Variants in CCSER2 observed in about 807,000 individuals in gnomAD.
CCSER2 encodes the protein coiled-coil serine rich protein 2, also known as serine-rich coiled-coil domain-containing protein 2.
A neutral mutation model predicts 92.3 loss-of-function variants in CCSER2; 46 were observed. The observed-to-expected ratio is 0.50, with a 90% CI of 0.39 to 0.64. The LOEUF is 0.64. Among genes scored for constraint, CCSER2 ranks in the 30% least tolerant of loss-of-function variants. The pLI is 0.00. For missense variants in CCSER2, 1,244 were observed against 1,238.9 expected (o/e 1.00, Z -0.06); for synonymous variants, 433 against 431.4 (o/e 1.00, Z -0.04).
At chr10:84,449,693 AAAAATAC>A (rs1564675971) in intron 6 of CCSER2, among the ~76,000 whole-genome samples, 1 of 152,154 alleles carries the variant, frequency 6.6e-6, no homozygotes, top group Non-Finnish European at 1.5e-5. Context: ...CGTCTCTAGT[AAAAATAC>A]AAAATTAGCT....
At chr10:84,426,123 A>G (rs958425133) in intron 5 of CCSER2, among the ~76,000 whole-genome samples, 2 of 152,168 alleles carry the variant, frequency 1.3e-5, no homozygotes, top group Non-Finnish European at 2.9e-5. Flanking sequence ...CTCTATTTAT[A>G]TCTGCTTTTT....
chr10:84,400,543 T>C (rs558282908), intron 3 of CCSER2, among the ~76,000 whole-genome samples: 14 of 152,304 alleles, frequency 9.2e-5, no homozygotes, highest in African/African-American at 3.4e-4. Context: ...TTTATGTTTT[T>C]GTATATGGTG....
rs148898211 is a variant in CCSER2 at position 84,389,844 on chromosome 10, C to T, written c.1614+16029C>T. 1.4e-3 allele frequency among the ~76,000 whole-genome samples: 218 copies of T among 152,304 alleles called. 2 individuals are homozygous for T. In the East Asian group the frequency reaches 0.04, roughly 28 times the overall value. ...AAACAGACTCCTGTGTGTTTTTCTT[C>T]TCTCATAATTCTTTGAGCACTCCCT... On this transcript the variant is annotated intron_variant, in intron 3 of 9. Coordinates refer to ENST00000372088, the MANE Select transcript of CCSER2 (RefSeq NM_001284240.2).
At chr10:84,498,638 C>T (rs1184460138) in intron 9 of CCSER2, among the ~76,000 whole-genome samples, 4 of 152,154 alleles carry the variant, frequency 2.6e-5, no homozygotes, top group Admixed American at 6.5e-5. Flanking sequence ...AAACTATTAT[C>T]GTAATTTTTA....
chr10:84,391,393 T>A, intron 3 of CCSER2: 1 of 1,477,690 alleles, frequency 6.8e-7, no homozygotes, highest in South Asian at 1.1e-5. Context: ...CACTAATGCA[T>A]CAGTGGATGC....
chr10:84,441,243 T>G (rs58972290), intron 6 of CCSER2, among the ~76,000 whole-genome samples: 31,870 of 152,100 alleles, frequency 0.21, 3,593 homozygotes, highest in Admixed American at 0.34. Context: ...TGGGTTTGGT[T>G]ATGTTTCCTG....
At chr10:84,468,528 T>A (rs142373513) in intron 7 of CCSER2, among the ~76,000 whole-genome samples, 171 of 152,362 alleles carry the variant, frequency 1.1e-3, no homozygotes, top group East Asian at 4.6e-3. Context: ...CTTAGAGCAG[T>A]GCCTGCCATA....
At chr10:84,494,977 CT>C (rs770775993) in intron 9 of CCSER2, among the ~76,000 whole-genome samples, 2,322 of 122,548 alleles carry the variant, frequency 0.019, 46 homozygotes, top group African/African-American at 0.052. Flanking sequence ...CTGATGTCTG[CT>C]TTTTTTTTTT....
intron 3 of CCSER2, among the ~76,000 whole-genome samples, chr10:84,376,246 G>A (rs60598168): frequency 0.21 from 31,885 of 152,012 alleles, 3,605 homozygotes; most frequent in Admixed American, 0.34. Context: ...GCAGAGGTCT[G>A]ATTTACGTAC....
intron 8 of CCSER2, among the ~76,000 whole-genome samples, chr10:84,476,048 C>G (rs1282511104): frequency 6.6e-6 from 1 of 152,090 alleles, no homozygotes; most frequent in Non-Finnish European, 1.5e-5. Context: ...GTTGCCCAGG[C>G]TGGTCTGGAA....
rs998905459 is a variant in CCSER2 at position 84,516,894 on chromosome 10, A to G, written c.*2627A>G. 2 of 152,220 alleles carry G rather than the reference A, an allele frequency of 1.3e-5. No individual in the cohort carries two copies. Among genetic ancestry groups the G allele is most frequent in the Non-Finnish European group, 2.9e-5 (2 of 68,028 alleles). 9.4% of individuals were successfully genotyped at this position (152,220 alleles called of 1,614,324 possible). A position where few individuals can be genotyped will look rare whatever the true frequency, so the allele number is the denominator to read the frequency against. On this transcript the variant is annotated 3_prime_UTR_variant, in exon 10 of 10. Coordinates refer to ENST00000372088, the MANE Select transcript of CCSER2 (RefSeq NM_001284240.2). ...AAGAAAACAAATCTAGGATGCTTGC[A>G]TGACATAAAGTATTTGCCTGCAGTT...
intron 8 of CCSER2, among the ~76,000 whole-genome samples, chr10:84,471,994 A>T (rs1846833429): frequency 6.6e-6 from 1 of 152,074 alleles, no homozygotes; most frequent in Admixed American, 6.6e-5. Flanking sequence ...ATAAATTATA[A>T]TGTTTATGAA....
rs558168935 is a variant in CCSER2, at chr10:84,339,459, C to CT, written c.-40+10664dup. ...CTCTCTGCTTTTGCACATACTATTA[C>CT]TTTTTTTTTTTTTAAATTTATTTTT... On this transcript the variant is annotated intron_variant, in intron 1 of 9. Coordinates refer to ENST00000372088, the MANE Select transcript of CCSER2 (RefSeq NM_001284240.2). 6.0e-3 allele frequency among the ~76,000 whole-genome samples: 784 copies of CT among 130,416 alleles called. 8 individuals carry two copies. Among genetic ancestry groups the CT allele is most frequent in the African/African-American group, 0.02 (597 of 29,154 alleles). The allele number at this position is 130,416 out of a possible 152,430, so 85.6% of individuals were successfully genotyped here. A position where few individuals can be genotyped will look rare whatever the true frequency, so the allele number is the denominator to read the frequency against.
intron 3 of CCSER2, among the ~76,000 whole-genome samples, chr10:84,378,933 T>A (rs1846494074): frequency 6.6e-6 from 1 of 152,156 alleles, no homozygotes; most frequent in Non-Finnish European, 1.5e-5. Flanking sequence ...ACTCTGTAAT[T>A]TTCTTGTTTT....
At chr10:84,491,721 A>T (rs1848179380) in intron 9 of CCSER2, among the ~76,000 whole-genome samples, 1 of 151,856 alleles carries the variant, frequency 6.6e-6, no homozygotes, top group Non-Finnish European at 1.5e-5. Flanking sequence ...GCTTCCACTC[A>T]CACTCTGTGG....
At chr10:84,414,993 C>T (rs1398030464) in intron 3 of CCSER2, among the ~76,000 whole-genome samples, 3 of 152,128 alleles carry the variant, frequency 2.0e-5, no homozygotes, top group East Asian at 1.9e-4. Context: ...TTTTTAGCTC[C>T]ATCAGGTCAG....
intron 6 of CCSER2, chr10:84,456,066 G>T: frequency 4.7e-6 from 2 of 422,716 alleles, no homozygotes; most frequent in South Asian, 4.1e-5. Flanking sequence ...GATCGGGCTG[G>T]GTCAGGCCAA....
At chr10:84,459,795 G>T (rs1322648584) in intron 6 of CCSER2, among the ~76,000 whole-genome samples, 1 of 151,994 alleles carries the variant, frequency 6.6e-6, no homozygotes, top group African/African-American at 2.4e-5. Flanking sequence ...AAGTACTGGG[G>T]TTACAGGCAT....
chr10:84,455,819 C>A (rs908571044), intron 6 of CCSER2: 7 of 925,564 alleles, frequency 7.6e-6, no homozygotes, highest in Non-Finnish European at 1.1e-5. Context: ...CTGATCCCAT[C>A]CATAATTACT....
Sources: allele counts gnomAD v4.1 joint callset (sites outside exome capture counted in the v4.1 genomes callset), GRCh38; gene constraint gnomAD v4.1.1; transcripts MANE v1.5; gene names NCBI Gene and HGNC (gene_info 2026-07-23, HGNC 2026-07-21).